The following UNC13C variants were observed in gnomAD, a reference collection of about 807,000 sequenced individuals.
The protein encoded by UNC13C is protein unc-13 homolog C.
UNC13C carries 174 observed loss-of-function variants against 245.4 expected under a neutral mutation model. The observed-to-expected ratio is 0.71, with a 90% CI of 0.63 to 0.80. The LOEUF (loss-of-function observed/expected upper bound fraction) is 0.80, where lower values mean the gene tolerates loss of function less well. UNC13C is among the 30% of genes least tolerant of loss of function. UNC13C has a pLI of 0.00. For missense variants in UNC13C, 2,829 were observed against 2,602.9 expected, an observed-to-expected ratio of 1.09 and a Z score of -1.89; for synonymous variants, 992 against 895.1, an observed-to-expected ratio of 1.11 and a Z score of -1.93.
At chr15:54,528,295 G>A (rs957329715) in intron 25 of UNC13C, among the ~76,000 whole-genome samples, 2 of 147,904 alleles carry the variant, frequency 1.4e-5, no homozygotes, top group African/African-American at 5.0e-5. Context: ...CACATGTTTT[G>A]CAGTTTGGTT....
At chr15:54,563,063 C>T (rs1404063583) in intron 29 of UNC13C, among the ~76,000 whole-genome samples, 4 of 151,994 alleles carry the variant, frequency 2.6e-5, no homozygotes, top group Non-Finnish European at 5.9e-5. Context: ...CCACATCACC[C>T]CTATTCTGTA....
chr15:54,099,305 G>A (rs185327031), intron 2 of UNC13C, among the ~76,000 whole-genome samples: 101 of 152,190 alleles, frequency 6.6e-4, no homozygotes, highest in Middle Eastern at 3.4e-3. Context: ...AAAAAGCCAG[G>A]TCAGGGTTAA....
Position 54,513,096 on chromosome 15 carries a change from T to A in UNC13C, c.5457+1266T>A, listed in dbSNP as rs185241931. On this transcript the variant is annotated intron_variant, in intron 24 of 32. Transcript: ENST00000260323. ...ATGCTTTATGTAAAGTTTGAGGGCATTGATCTTATTTTAAAATTATTCTGC... is the reference window on the plus strand; with the variant it reads ...ATGCTTTATGTAAAGTTTGAGGGCAATGATCTTATTTTAAAATTATTCTGC... Among the ~76,000 whole-genome samples, 886 of 152,298 alleles carry A rather than the reference T, an allele frequency of 5.8e-3. 11 individuals are homozygous for A. The highest frequency in any genetic ancestry group is 0.021 in the African/African-American group (853 of 41,552).
chr15:54,509,042 A>C (rs1368385289), intron 23 of UNC13C, among the ~76,000 whole-genome samples: 2 of 152,154 alleles, frequency 1.3e-5, no homozygotes, highest in South Asian at 2.1e-4. Flanking sequence ...TCTACTAAAA[A>C]TATAAAATTA....
chr15:53,845,993 T>C, the UNC13C span, among the ~76,000 whole-genome samples: 11 of 152,180 alleles, frequency 7.2e-5, no homozygotes, highest in Admixed American at 7.2e-4. Context: ...AAAACCATTG[T>C]GTTTTTCACT....
At chr15:54,565,402 A>G (rs577713247) in intron 29 of UNC13C, among the ~76,000 whole-genome samples, 1 of 152,140 alleles carries the variant, frequency 6.6e-6, no homozygotes, top group African/African-American at 2.4e-5. Flanking sequence ...GCTGTCAAGT[A>G]TTAAGGTGAC....
At chr15:54,220,591 TATA>T (rs1211902253) in intron 4 of UNC13C, among the ~76,000 whole-genome samples, 4 of 148,076 alleles carry the variant, frequency 2.7e-5, no homozygotes, top group Admixed American at 1.3e-4. Flanking sequence ...AAACTTAAAG[TATA>T]ATAATAATAA....
At chr15:54,110,581 C>T (rs1196062609) in intron 2 of UNC13C, among the ~76,000 whole-genome samples, 1 of 152,178 alleles carries the variant, frequency 6.6e-6, no homozygotes, top group East Asian at 1.9e-4. Context: ...AAGAGGATTA[C>T]ACTTATTAAG....
chr15:54,038,431 C>A (rs528938198), intron 2 of UNC13C, among the ~76,000 whole-genome samples: 1 of 151,824 alleles, frequency 6.6e-6, no homozygotes, highest in Non-Finnish European at 1.5e-5. Flanking sequence ...CTGCTACTGG[C>A]CCCATTTGTA....
At position 54,210,687 on chromosome 15, in the gene UNC13C, T is replaced by A. The variant is rs148540480; in HGVS notation, c.3072-24343T>A. On this transcript the variant is annotated intron_variant, in intron 4 of 32. Transcript: ENST00000260323. The stretch of plus-strand genomic sequence containing the variant: ...TATTTTACCCTACTTAAAAGCTGAC[T>A]AGTTAGTCTGCCACAGTTGCATGGA... 4.2e-3 allele frequency among the ~76,000 whole-genome samples: 642 copies of A among 152,272 alleles called. 7 individuals carry two copies. The highest frequency in any genetic ancestry group is 0.015 in the African/African-American group (624 of 41,570).
At chr15:54,630,643 T>C (rs1901439710), downstream of UNC13C, 1 of 152,124 alleles carries the variant, frequency 6.6e-6, no homozygotes, top group Non-Finnish European at 1.5e-5. Flanking sequence ...TTAACTCCCC[T>C]GATGTTACCT....
At chr15:54,529,371 T>C (rs1052907835) in intron 25 of UNC13C, among the ~76,000 whole-genome samples, 3 of 152,204 alleles carry the variant, frequency 2.0e-5, no homozygotes, top group Non-Finnish European at 4.4e-5. Context: ...CATGGAAATA[T>C]GTATATGGAA....
intron 2 of UNC13C, among the ~76,000 whole-genome samples, chr15:54,090,109 T>C (rs1159795503): frequency 1.3e-5 from 2 of 152,178 alleles, no homozygotes; most frequent in Admixed American, 1.3e-4. Flanking sequence ...CACCTGCAAA[T>C]GTCAAATGAT....
Position 54,541,994 on chromosome 15 carries a change from T to G in UNC13C, c.5697-4728T>G, listed in dbSNP as rs998010701. Among the ~76,000 whole-genome samples, 6 of 152,162 alleles carry G rather than the reference T, an allele frequency of 3.9e-5. No individual in the cohort carries two copies. In the South Asian group the frequency reaches 1.2e-3, roughly 32 times the overall value. ...GGGTGAGGGTGAAAATCGTGTGCTT[T>G]GGGAGACTGACTCCACTGTGGAGAA... On this transcript the variant is annotated intron_variant, in intron 26 of 32. Coordinates refer to ENST00000260323, the MANE Select transcript of UNC13C (RefSeq NM_001080534.3).
At chr15:54,579,251 C>T (rs1231946266) in intron 30 of UNC13C, among the ~76,000 whole-genome samples, 3 of 151,976 alleles carry the variant, frequency 2.0e-5, no homozygotes, top group Non-Finnish European at 2.9e-5. Context: ...TTTTTCTCTG[C>T]CTGCTTATGG....
At chr15:54,419,966 TTCTC>T (rs1237460916) in intron 19 of UNC13C, among the ~76,000 whole-genome samples, 2 of 152,072 alleles carry the variant, frequency 1.3e-5, no homozygotes, top group African/African-American at 4.8e-5. Context: ...TGGGTGATCT[TTCTC>T]TCTCCCTCTT....
chr15:53,906,939 C>T, the UNC13C span, among the ~76,000 whole-genome samples: 8 of 152,054 alleles, frequency 5.3e-5, no homozygotes, highest in Admixed American at 1.3e-4. Flanking sequence ...AACTCACTCA[C>T]GATCATGATA....
At chr15:53,887,243 C>T in the UNC13C span, among the ~76,000 whole-genome samples, 353 of 152,214 alleles carry the variant, frequency 2.3e-3, 3 homozygotes, top group Middle Eastern at 0.02. Context: ...TAAAACTGGT[C>T]TAAAAATAAA....
At chr15:54,440,493 T>C (rs974750055) in intron 19 of UNC13C, among the ~76,000 whole-genome samples, 5 of 152,066 alleles carry the variant, frequency 3.3e-5, no homozygotes, top group Non-Finnish European at 5.9e-5. Context: ...GATTTCATTA[T>C]TTTTTATGGC....
Sources: allele counts gnomAD v4.1 joint callset (sites outside exome capture counted in the v4.1 genomes callset), GRCh38; gene constraint gnomAD v4.1.1; transcripts MANE v1.5; gene names NCBI Gene and HGNC (gene_info 2026-07-23, HGNC 2026-07-21).